Variants in EZH1 observed in about 807,000 individuals in gnomAD.
The protein encoded by EZH1 is histone-lysine N-methyltransferase EZH1.
EZH1 carries 33 observed loss-of-function variants against 100.5 expected under a neutral mutation model. That is an observed-to-expected ratio of 0.33 (90% CI 0.25 to 0.44). The LOEUF is 0.44. Among genes scored for constraint, EZH1 ranks in the 20% least tolerant of loss-of-function variants. The pLI, the probability that EZH1 is intolerant of heterozygous loss-of-function variation, is 1.00. For synonymous variants in EZH1, 272 were observed against 313.8 expected (o/e 0.87, Z 1.41); for missense variants, 475 against 928.4 (o/e 0.51, Z 6.35).
Position 42,729,745 on chromosome 17 carries a change from G to GAA in EZH1, c.-11-795_-11-794dup, listed in dbSNP as rs58272031. On this transcript the variant is annotated intron_variant, in intron 2 of 20. Coordinates refer to ENST00000428826, the MANE Select transcript of EZH1 (RefSeq NM_001991.5). ...CACAGTGAGACTCCATCTCAAAAAA[G>GAA]AAAAAAAAAAAAGTCCGGGCATGGT... 8.2e-4 allele frequency among the ~76,000 whole-genome samples: 108 copies of GAA among 131,560 alleles called. 1 individual carries two copies. Among genetic ancestry groups the GAA allele is most frequent in the Admixed American group, 1.8e-3 (22 of 12,422 alleles). The allele number at this position is 131,560 out of a possible 152,430, so 86.3% of individuals were successfully genotyped here.
chr17:42,738,487 C>T (rs150080159), intron 1 of EZH1, among the ~76,000 whole-genome samples: 168 of 151,684 alleles, frequency 1.1e-3, no homozygotes, highest in African/African-American at 4.0e-3. Context: ...TCTCGCTCTG[C>T]TGGGATTACA....
chr17:42,724,566 C>G, intron 4 of EZH1, 142 bp from the exon 5 acceptor site: 1 of 908,140 alleles, frequency 1.1e-6, no homozygotes, highest in South Asian at 1.6e-5. Flanking sequence ...AGGCAGATCA[C>G]TTGAAGTCAG....
At chr17:42,738,424 TTTTA>T (rs1236863073) in intron 1 of EZH1, among the ~76,000 whole-genome samples, 2 of 151,938 alleles carry the variant, frequency 1.3e-5, no homozygotes, top group African/African-American at 4.8e-5. Flanking sequence ...TATTTTTTAA[TTTTA>T]TTTATTTGTA....
rs780895661 is a variant in EZH1 at position 42,713,267 on chromosome 17, C to T, written c.1146G>A (p.Glu382=). The change falls in exon 11 of 21, where the codon GAG becomes GAA. Residue 382 remains glutamate (E), a synonymous_variant. Coordinates refer to ENST00000428826, the MANE Select transcript of EZH1 (RefSeq NM_001991.5). ...CCCTGTCACTGTCTCCTTCTTTAGT[C>T]TCAGCCACAGCAGAGGCTGAGGCAT... ...CSNASASAVA[E]TKEGDSDRDT... 3.9e-5 allele frequency: 63 copies of T among 1,613,938 alleles called. 1 individual carries two copies. The highest frequency in any genetic ancestry group is 3.6e-4 in the East Asian group (16 of 44,880).
intron 1 of EZH1, among the ~76,000 whole-genome samples, chr17:42,734,544 G>T (rs2054026044): frequency 6.6e-6 from 1 of 151,766 alleles, no homozygotes; most frequent in African/African-American, 2.4e-5. Flanking sequence ...TGTGCCTGCA[G>T]TCAGTCCCAG....
At chr17:42,731,223 T>C (rs1320413939) in intron 1 of EZH1, among the ~76,000 whole-genome samples, 1 of 152,028 alleles carries the variant, frequency 6.6e-6, no homozygotes, top group East Asian at 1.9e-4. Context: ...GTTCAAGCCA[T>C]TCTCCTGCCT....
intron 16 of EZH1, 53 bp downstream of exon 16, chr17:42,705,954 C>T: frequency 1.3e-6 from 2 of 1,510,540 alleles, no homozygotes; most frequent in Admixed American, 4.2e-5. Context: ...TGGGACCGTT[C>T]CTTCCTTCCC....
At chr17:42,736,607 G>A (rs903920782) in intron 1 of EZH1, among the ~76,000 whole-genome samples, 3 of 152,136 alleles carry the variant, frequency 2.0e-5, no homozygotes, top group Non-Finnish European at 4.4e-5. Flanking sequence ...GGCTGAGGCA[G>A]GCAGATCACT....
intron 12 of EZH1, among the ~76,000 whole-genome samples, chr17:42,710,269 G>A (rs1049826405): frequency 1.3e-5 from 2 of 152,180 alleles, no homozygotes; most frequent in African/African-American, 4.8e-5. Flanking sequence ...TTTAGGAAGG[G>A]CAACGCTGTG....
Position 42,732,458 on chromosome 17 carries a change from C to T in EZH1, c.-102-1540G>A, listed in dbSNP as rs2053969401. ...TACAAGCCTGGGTAACATGGTAAGA[C>T]CTCATCTCTATTAAAAATCAAAAAC... On this transcript the variant is annotated intron_variant, in intron 1 of 20. Coordinates refer to ENST00000428826, the MANE Select transcript of EZH1 (RefSeq NM_001991.5). 2.0e-5 allele frequency among the ~76,000 whole-genome samples: 3 copies of T among 152,150 alleles called. No individual in the cohort carries two copies. In the South Asian group the frequency reaches 6.2e-4, roughly 32 times the overall value.
intron 11 of EZH1, among the ~76,000 whole-genome samples, chr17:42,712,793 T>C (rs2053510874): frequency 6.6e-6 from 1 of 151,912 alleles, no homozygotes; most frequent in African/African-American, 2.4e-5. Context: ...ATCCCAGCAC[T>C]TTAGGACGCC....
chr17:42,705,253 C>A, intron 16 of EZH1, 70 bp from the exon 17 acceptor site: 2 of 755,744 alleles, frequency 2.6e-6, no homozygotes, highest in South Asian at 1.5e-5. Context: ...TGGATGTGCA[C>A]ATGTGTGGTG....
Position 42,701,806 on chromosome 17 carries a change from A to G in EZH1, c.*726T>C. 6.6e-6 allele frequency: 1 copy of G among 152,508 alleles called. No homozygotes were observed. The highest frequency in any genetic ancestry group is 1.9e-4 in the East Asian group (1 of 5,332). 9.4% of individuals were successfully genotyped at this position (152,508 alleles called of 1,614,324 possible). A position where few individuals can be genotyped will look rare whatever the true frequency, so the allele number is the denominator to read the frequency against. On this transcript the variant is annotated 3_prime_UTR_variant, in exon 21 of 21. Coordinates refer to ENST00000428826, the MANE Select transcript of EZH1 (RefSeq NM_001991.5). ...TTCTCCATCTATCTCCAGAGTACAC[A>G]GAGAAGGCTTTCTCAAAGCCTCCTG...
chr17:42,715,396 C>G (rs1021760887), intron 10 of EZH1, among the ~76,000 whole-genome samples: 2 of 151,430 alleles, frequency 1.3e-5, no homozygotes, highest in Non-Finnish European at 2.9e-5. Context: ...CTCAGCCTCC[C>G]AAGTCCAGTC....
At chr17:42,739,017 A>G (rs1214935899) in intron 1 of EZH1, among the ~76,000 whole-genome samples, 1 of 151,790 alleles carries the variant, frequency 6.6e-6, no homozygotes, top group Non-Finnish European at 1.5e-5. Flanking sequence ...CGGCCTCCCA[A>G]AGTGCTGGGA....
chr17:42,741,847 C>T (rs2054182624), intron 1 of EZH1, among the ~76,000 whole-genome samples: 1 of 151,946 alleles, frequency 6.6e-6, no homozygotes, highest in African/African-American at 2.4e-5. Flanking sequence ...CACCACCAGG[C>T]CTGGCTAATT....
chr17:42,727,848 C>T (rs1048375852), intron 3 of EZH1, 85 bp from the exon 4 acceptor site: 3 of 1,017,478 alleles, frequency 2.9e-6, no homozygotes, highest in African/African-American at 1.7e-5. Flanking sequence ...GAGTCTTGCT[C>T]TGTTGTCACC....
chr17:42,722,102 T>C (rs956937112), intron 6 of EZH1, among the ~76,000 whole-genome samples: 13 of 142,582 alleles, frequency 9.1e-5, no homozygotes, highest in Non-Finnish European at 1.3e-4. Context: ...TGAGCCGAGA[T>C]TGTGCCACTG....
rs771388836 is a variant in EZH1 at position 42,724,326 on chromosome 17, G to A, written c.345C>T (p.Ser115=). 6.8e-6 allele frequency: 11 copies of A among 1,613,898 alleles called. No individual in the cohort carries two copies. The highest frequency in any genetic ancestry group is 9.3e-6 in the Non-Finnish European group (11 of 1,179,896). The part of the protein sequence containing the change: ...VALVPIMYSW[S]PLQQNFMVED... ...ATACCATAAAGTTCTGTTGGAGAGG[G>A]GACCAGGAATACATGATGGGAACCA... The change falls in exon 5 of 21, where the codon TCC becomes TCT. Residue 115 remains serine, a synonymous_variant. Coordinates refer to ENST00000428826, the MANE Select transcript of EZH1 (RefSeq NM_001991.5).
Sources: gnomAD v4.1 joint callset for allele counts (sites outside exome capture counted in the v4.1 genomes callset) on GRCh38, gnomAD v4.1.1 for gene constraint, MANE v1.5 for transcripts, NCBI Gene and HGNC (gene_info 2026-07-23, HGNC 2026-07-21) for gene names.